The following LETM1 variants were observed in gnomAD, a reference collection of about 807,000 sequenced individuals.
The protein encoded by LETM1 is leucine zipper and EF-hand containing transmembrane protein 1.
Under a neutral mutation model 74.5 loss-of-function variants are expected in LETM1, and 50 were observed. The observed-to-expected ratio is 0.67, with a 90% confidence interval of 0.53 to 0.85. The LOEUF (loss-of-function observed/expected upper bound fraction) is 0.85. Among genes scored for constraint, LETM1 ranks in the 40% least tolerant of loss-of-function variants. LETM1 has a pLI of 0.00. For synonymous variants in LETM1, 446 were observed against 407.1 expected, an observed-to-expected ratio of 1.10 and a Z score of -1.15; for missense variants, 824 against 967.8, an observed-to-expected ratio of 0.85 and a Z score of 1.97.
intron 2 of LETM1, among the ~76,000 whole-genome samples, chr4:1,844,976 G>T (rs182580832): frequency 1.3e-5 from 2 of 151,724 alleles, no homozygotes; most frequent in Non-Finnish European, 2.9e-5. Flanking sequence ...CAGATCACGA[G>T]GTCAGGAGTT....
intron 6 of LETM1, among the ~76,000 whole-genome samples, chr4:1,832,409 GGGGCAAAT>G (rs1188511948): frequency 3.3e-5 from 5 of 152,192 alleles, no homozygotes; most frequent in African/African-American, 1.2e-4. Context: ...ACAGGGCAAA[GGGGCAAAT>G]GGACCCTCGA....
intron 3 of LETM1, among the ~76,000 whole-genome samples, chr4:1,840,574 G>T (rs1288786570): frequency 2.0e-5 from 3 of 151,310 alleles, no homozygotes; most frequent in African/African-American, 7.3e-5. Flanking sequence ...GGCTGAGGCA[G>T]GAGAATGGTG....
Position 1,841,534 on chromosome 4 carries a change from T to C in LETM1, c.407A>G (p.Glu136Gly). ...GGGGGGGCTGTACACCGGGCCGCCTTCCTCCAGCTTCTTGTTCTTGTCCTT... is the reference window on the plus strand; with the variant it reads ...GGGGGGGCTGTACACCGGGCCGCCTCCCTCCAGCTTCTTGTTCTTGTCCTT... Reference protein sequence around the residue: ...SLKDKNKKLEEGGPVYSPPAE... With the variant: ...SLKDKNKKLEGGGPVYSPPAE... Residue 136 changes from glutamate to glycine, a missense_variant, in exon 3 of 14, where the codon GAA (glutamate) becomes GGA (glycine). Glu to Gly is a moderately conservative substitution (Grantham distance 98). Around this residue, in one of 4 missense-constraint regions of LETM1, gnomAD observed 222 missense variants for 195.6 expected, o/e 1.14. Transcript: ENST00000302787. 7 of 1,614,216 alleles carry C rather than the reference T, an allele frequency of 4.3e-6. No individual in the cohort carries two copies. The highest frequency in any genetic ancestry group is 5.9e-6 in the Non-Finnish European group (7 of 1,180,040).
chr4:1,822,506 A>G (rs925303722), intron 9 of LETM1, 194 bp from the exon 10 acceptor site: 2 of 487,042 alleles, frequency 4.1e-6, no homozygotes, highest in African/African-American at 4.0e-5. Context: ...CCCTCTCCAG[A>G]ACAGGCTAGA....
At chr4:1,854,830 A>C (rs1420740321) in intron 1 of LETM1, among the ~76,000 whole-genome samples, 1 of 151,998 alleles carries the variant, frequency 6.6e-6, no homozygotes, top group Admixed American at 6.6e-5. Context: ...AAAAACAAGA[A>C]TTGGGAGGAT....
chr4:1,841,041 TCTA>T (rs2108851317), intron 3 of LETM1, among the ~76,000 whole-genome samples: 1 of 152,282 alleles, frequency 6.6e-6, no homozygotes, highest in East Asian at 1.9e-4. Flanking sequence ...TTTCAAGCAA[TCTA>T]TAGAGTGAAA....
At chr4:1,832,015 A>G (rs1712288508) in intron 6 of LETM1, among the ~76,000 whole-genome samples, 1 of 152,178 alleles carries the variant, frequency 6.6e-6, no homozygotes. Flanking sequence ...ATAAAAGAGT[A>G]ACCAGCCGGA....
At chr4:1,814,786 CA>C (rs919070101) in intron 13 of LETM1, among the ~76,000 whole-genome samples, 2 of 152,228 alleles carry the variant, frequency 1.3e-5, no homozygotes, top group Non-Finnish European at 2.9e-5. Context: ...ACAAAGGAGC[CA>C]GGGGGCTGCC....
At chr4:1,814,717 G>T in intron 13 of LETM1, 144 bp from the exon 14 acceptor site, 1 of 680,992 alleles carries the variant, frequency 1.5e-6, no homozygotes, top group Non-Finnish European at 2.6e-6. Context: ...AGGGTCCTCA[G>T]AGCACCAATT....
chr4:1,824,669 T>C (rs560009192), intron 7 of LETM1, among the ~76,000 whole-genome samples: 2 of 152,048 alleles, frequency 1.3e-5, no homozygotes, highest in East Asian at 2.0e-4. Flanking sequence ...GGGCCCCCAA[T>C]GCGCCACACT....
chr4:1,831,113 TC>T (rs916202435), intron 6 of LETM1, among the ~76,000 whole-genome samples: 14 of 151,956 alleles, frequency 9.2e-5, no homozygotes, highest in South Asian at 8.3e-4. Flanking sequence ...GCAGCCATCG[TC>T]CCCCCCAGCT....
intron 13 of LETM1, 25 bp downstream of exon 13, chr4:1,815,639 C>G (rs1711547963): frequency 6.2e-7 from 1 of 1,612,864 alleles, no homozygotes; most frequent in Non-Finnish European, 8.5e-7. Context: ...GGCGGATGGC[C>G]TGCGTGGTCC....
rs1722552696 is a variant in LETM1, at chr4:1,814,491, TC to T, written c.2152del (p.Glu718ArgfsTer20). 2 of 1,614,004 alleles carry T rather than the reference TC, an allele frequency of 1.2e-6. No homozygotes were observed. The highest frequency in any genetic ancestry group is 1.7e-6 in the Non-Finnish European group (2 of 1,179,974). On this transcript the variant is annotated frameshift_variant, in exon 14 of 14. Coordinates refer to ENST00000302787, the MANE Select transcript of LETM1 (RefSeq NM_012318.3). LOFTEE classifies it high-confidence loss of function. ...AEIVATLEKE[E>X]KVEEKEKAKE... ...GGCCTTCTCCTTCTCCTCCACCTTCTCCTCTTTTTCCAGTGTTGCTACAATC... is the reference window on the plus strand; with the variant it reads ...GGCCTTCTCCTTCTCCTCCACCTTCTCTCTTTTTCCAGTGTTGCTACAATC...
In LETM1 at chr4:1,825,505, C is replaced by A. The variant is rs960534940; in HGVS notation, c.1200+59G>T. 5 of 1,572,524 alleles carry A rather than the reference C, an allele frequency of 3.2e-6. No homozygotes were observed. In the South Asian group the frequency reaches 4.6e-5, roughly 14 times the overall value. ...TGGGAAGAGCCTCCGAGTGGCCTTT[C>A]GAGGCTGATGTTTCCCTTGAGCCCG... On this transcript the variant is annotated intron_variant, in intron 7 of 13. Transcript: ENST00000302787.
intron 3 of LETM1, 83 bp downstream of exon 3, chr4:1,841,264 A>G (rs1031007603): frequency 3.1e-6 from 4 of 1,284,332 alleles, no homozygotes; most frequent in East Asian, 4.8e-5. Flanking sequence ...AGGATCGCCC[A>G]TGCCCAGGAA....
intron 1 of LETM1, among the ~76,000 whole-genome samples, chr4:1,849,416 C>G (rs544790072): frequency 9.2e-5 from 14 of 152,306 alleles, no homozygotes; most frequent in African/African-American, 1.9e-4. Context: ...AGGTGCCCAC[C>G]ACCATGCCCA....
chr4:1,848,895 C>T (rs754115541), intron 2 of LETM1, among the ~76,000 whole-genome samples: 1 of 152,044 alleles, frequency 6.6e-6, no homozygotes, highest in African/African-American at 2.4e-5. Flanking sequence ...TGTTAGGGGA[C>T]AGGAAGCCTT....
Position 1,822,207 on chromosome 4 carries a change from T to A in LETM1, c.1582A>T (p.Thr528Ser). The A allele has an allele frequency of 6.7e-7, 1 of 1,490,990 alleles. No homozygotes were observed. The highest frequency in any genetic ancestry group is 2.6e-5 in the East Asian group (1 of 38,698). 92.4% of individuals were successfully genotyped at this position (1,490,990 alleles called of 1,614,324 possible). ...TVLQSETLKD[T>S]APVLEGLKEE... is the part of the protein sequence containing the mutation. ...TTCAAGCCCTCCAGCACCGGGGCAGTGTCCTTCAAGGTCTCTGACTGCAGG... is the reference window on the plus strand; with the variant it reads ...TTCAAGCCCTCCAGCACCGGGGCAGAGTCCTTCAAGGTCTCTGACTGCAGG... The change falls in exon 10 of 14, where the codon ACT becomes TCT. Residue 528 changes from threonine (T) to serine (S), a missense_variant. By Grantham distance (58) the Thr-to-Ser change is moderately conservative. This residue lies in a region of LETM1 where 172 missense variants were observed against 170.7 expected (regional missense o/e 1.01). Coordinates refer to ENST00000302787, the MANE Select transcript of LETM1 (RefSeq NM_012318.3).
Position 1,822,199 on chromosome 4 carries a change from CG to C in LETM1, c.1589del (p.Pro530ArgfsTer6). 1 of 1,472,240 alleles carries C rather than the reference CG, an allele frequency of 6.8e-7. No individual in the cohort carries two copies. The highest frequency in any genetic ancestry group is 9.1e-7 in the Non-Finnish European group (1 of 1,097,416). 91.2% of individuals were successfully genotyped at this position (1,472,240 alleles called of 1,614,324 possible). On this transcript the variant is annotated frameshift_variant, in exon 10 of 14. Coordinates refer to ENST00000302787, the MANE Select transcript of LETM1 (RefSeq NM_012318.3). LOFTEE classifies it high-confidence loss of function. ...LQSETLKDTAPVLEGLKEEEI... is the reference protein window; with the variant it reads ...LQSETLKDTAXVLEGLKEEEI... ...TCATTACCTTCAAGCCCTCCAGCAC[CG>C]GGGCAGTGTCCTTCAAGGTCTCTGA... is the stretch of plus-strand genomic sequence containing the variant.
Sources: allele counts gnomAD v4.1 joint callset (sites outside exome capture counted in the v4.1 genomes callset), GRCh38; gene constraint gnomAD v4.1.1; regional missense constraint gnomAD v4.1.1; transcripts MANE v1.5; gene names NCBI Gene and HGNC (gene_info 2026-07-23, HGNC 2026-07-21).